The following RUNX1 variants were observed in gnomAD, a reference collection of about 807,000 sequenced individuals.
The protein encoded by RUNX1 is RUNX family transcription factor 1, also known as runt-related transcription factor 1.
In RUNX1, 19 loss-of-function variants were observed where a neutral mutation model predicts 42.8. The ratio of observed to expected loss-of-function variants is 0.44; its 90% CI spans 0.31 to 0.65. The LOEUF is 0.65. Among genes scored for constraint, RUNX1 ranks in the 30% least tolerant of loss-of-function variants. The pLI is 0.07. For synonymous variants in RUNX1, 271 were observed against 289.4 expected, an observed-to-expected ratio of 0.94 and a Z score of 0.64; for missense variants, 528 against 672.0, an observed-to-expected ratio of 0.79 and a Z score of 2.37.
intron 2 of RUNX1, among the ~76,000 whole-genome samples, chr21:34,916,193 G>C (rs776076219): frequency 6.6e-6 from 1 of 152,152 alleles, no homozygotes; most frequent in Admixed American, 6.5e-5. Context: ...TCAGACACAC[G>C]ATCCCCTGTT....
At chr21:34,925,384 T>C (rs1036284608) in intron 2 of RUNX1, among the ~76,000 whole-genome samples, 2 of 152,144 alleles carry the variant, frequency 1.3e-5, no homozygotes, top group African/African-American at 2.4e-5. Flanking sequence ...GCAATTATAA[T>C]CAAGTTAAGA....
In RUNX1 at chr21:35,021,723, C is replaced by A. The variant is rs527380222; in HGVS notation, c.58+27119G>T. Among the ~76,000 whole-genome samples the A allele has an allele frequency of 5.3e-5, 8 of 152,334 alleles. No individual in the cohort carries two copies. In the South Asian group the frequency reaches 1.7e-3, roughly 32 times the overall value. On this transcript the variant is annotated intron_variant, in intron 2 of 8. Transcript: ENST00000675419. Reference sequence around the variant, plus strand: ...GCCAGCCACAGGGGCCTGCGCTGACCTCATCTCTGCTGAGCCCTGAGATCA... The same window carrying A: ...GCCAGCCACAGGGGCCTGCGCTGACATCATCTCTGCTGAGCCCTGAGATCA...
intron 2 of RUNX1, among the ~76,000 whole-genome samples, chr21:34,964,505 A>G (rs972812083): frequency 2.7e-5 from 4 of 150,590 alleles, no homozygotes; most frequent in Admixed American, 6.6e-5. Flanking sequence ...AAAAAAAAAG[A>G]AAAGAAAAGA....
intron 4 of RUNX1, 50 bp from the exon 5 acceptor site, chr21:34,880,763 C>T (rs1268492625): frequency 1.1e-5 from 18 of 1,576,884 alleles, no homozygotes; most frequent in Non-Finnish European, 1.6e-5. Context: ...GTTATACATA[C>T]ACTTTTAGGG....
At chr21:34,957,098 G>A (rs1329586969) in intron 2 of RUNX1, among the ~76,000 whole-genome samples, 2 of 152,176 alleles carry the variant, frequency 1.3e-5, no homozygotes, top group Non-Finnish European at 2.9e-5. Context: ...AAGCCTCTGA[G>A]CTTTGTGACC....
intron 6 of RUNX1, among the ~76,000 whole-genome samples, chr21:34,849,671 T>C (rs1034605781): frequency 1.3e-5 from 2 of 149,300 alleles, no homozygotes; most frequent in African/African-American, 2.5e-5. Flanking sequence ...GCTTGTGATA[T>C]GTCTGATAAT....
rs561663713 is a variant in RUNX1, at chr21:34,903,705, C to T, written c.59-10742G>A. On this transcript the variant is annotated intron_variant, in intron 2 of 8. Transcript: ENST00000675419. ...AGCCTTAGAGTATTCTATAGGCACT[C>T]GGATAAGATGGCAAATACTTTCATA... is the stretch of plus-strand genomic sequence containing the variant. 4.6e-5 allele frequency among the ~76,000 whole-genome samples: 7 copies of T among 152,222 alleles called. No homozygotes were observed. The South Asian group carries it at 1.2e-3, about 27-fold the overall frequency.
intron 8 of RUNX1, 107 bp downstream of exon 8, chr21:34,799,194 A>C: frequency 8.1e-7 from 1 of 1,242,184 alleles, no homozygotes; most frequent in Non-Finnish European, 1.2e-6. Context: ...GTCACCTTTA[A>C]ACCATGTTTT....
chr21:35,010,579 T>C (rs2059118611), intron 2 of RUNX1, among the ~76,000 whole-genome samples: 1 of 151,646 alleles, frequency 6.6e-6, no homozygotes, highest in African/African-American at 2.4e-5. Flanking sequence ...AATCAACAGG[T>C]AAACATAAAA....
At chr21:34,842,344 A>C (rs1027968545) in intron 6 of RUNX1, among the ~76,000 whole-genome samples, 9 of 151,828 alleles carry the variant, frequency 5.9e-5, no homozygotes, top group Non-Finnish European at 1.3e-4. Context: ...AATATAAAAA[A>C]ATTAGCCAAG....
intron 5 of RUNX1, among the ~76,000 whole-genome samples, chr21:34,872,757 G>A (rs2146313437): frequency 6.6e-6 from 1 of 152,212 alleles, no homozygotes; most frequent in South Asian, 2.1e-4. Context: ...AGGCTGTCAG[G>A]TTCATGGTAG....
chr21:34,888,401 C>T (rs1443804034), intron 3 of RUNX1: 6 of 1,067,350 alleles, frequency 5.6e-6, no homozygotes, highest in Non-Finnish European at 6.8e-6. Flanking sequence ...CTTTCTCCCC[C>T]TGTTGTAAAA....
chr21:34,834,352 T>A lies in RUNX1; in HGVS notation c.805+58A>T, dbSNP rs150491584. 99 of 1,553,588 alleles carry A rather than the reference T, an allele frequency of 6.4e-5. 1 individual carries two copies. The African/African-American group carries it at 1.0e-3, about 16-fold the overall frequency. ...GAAGGTGTGTGCACATGGGGGCCAGTTGTGGGTGGTGGCCCAGGTGCAGGA... is the reference window on the plus strand; with the variant it reads ...GAAGGTGTGTGCACATGGGGGCCAGATGTGGGTGGTGGCCCAGGTGCAGGA... On this transcript the variant is annotated intron_variant, in intron 7 of 8. Transcript: ENST00000675419.
intron 2 of RUNX1, among the ~76,000 whole-genome samples, chr21:34,935,427 G>A (rs554409040): frequency 2.3e-4 from 35 of 152,296 alleles, no homozygotes; most frequent in Admixed American, 2.2e-3. Context: ...ACGGTATATG[G>A]AAGTTGAAGA....
At chr21:34,892,293 T>C (rs1014913947) in intron 3 of RUNX1, among the ~76,000 whole-genome samples, 20 of 151,994 alleles carry the variant, frequency 1.3e-4, no homozygotes, top group African/African-American at 4.6e-4. Flanking sequence ...GTTTTGAACA[T>C]TGGAATTTAA....
intron 2 of RUNX1, among the ~76,000 whole-genome samples, chr21:34,953,950 T>C (rs915388041): frequency 9.9e-5 from 15 of 152,212 alleles, no homozygotes; most frequent in Non-Finnish European, 2.2e-4. Context: ...CTCCAAGAAG[T>C]TGAGCTTAAG....
chr21:34,791,676 G>A lies in RUNX1; in HGVS notation c.*459C>T. 1 of 231,096 alleles carries A rather than the reference G, an allele frequency of 4.3e-6. No homozygotes were observed. The highest frequency in any genetic ancestry group is 2.2e-5 in the African/African-American group (1 of 45,292). The allele number at this position is 231,096 out of a possible 1,614,324, so 14.3% of individuals were successfully genotyped here. On this transcript the variant is annotated 3_prime_UTR_variant, in exon 9 of 9. Coordinates refer to ENST00000675419, the MANE Select transcript of RUNX1 (RefSeq NM_001754.5). ...ATAAGAATTAGATGCCAAACAGGGC[G>A]AGTTGCATCCCTCCTCTCCCCCCAC...
intron 2 of RUNX1, among the ~76,000 whole-genome samples, chr21:34,998,229 T>C (rs923291976): frequency 2.0e-5 from 3 of 152,016 alleles, no homozygotes; most frequent in Non-Finnish European, 4.4e-5. Flanking sequence ...GGAGAGGGGA[T>C]GAAGAGGAAA....
intron 6 of RUNX1, among the ~76,000 whole-genome samples, chr21:34,841,378 C>T (rs184850715): frequency 4.6e-5 from 7 of 152,208 alleles, no homozygotes; most frequent in Admixed American, 1.3e-4. Context: ...AGCCTTTGGT[C>T]GGAAAGAGCT....
Sources: allele counts gnomAD v4.1 joint callset (sites outside exome capture counted in the v4.1 genomes callset), GRCh38; gene constraint gnomAD v4.1.1; transcripts MANE v1.5; gene names NCBI Gene and HGNC (gene_info 2026-07-23, HGNC 2026-07-21).